The following ARHGAP32 variants were observed in gnomAD, a reference collection of about 807,000 sequenced individuals.
The protein encoded by ARHGAP32 is Rho GTPase activating protein 32.
Under a neutral mutation model 186.5 loss-of-function variants are expected in ARHGAP32, and 51 were observed. The ratio of observed to expected loss-of-function variants is 0.27; its 90% CI spans 0.22 to 0.35. The LOEUF is 0.35. ARHGAP32 is among the 10% of genes least tolerant of loss of function. ARHGAP32 has a pLI of 1.00. For missense variants in ARHGAP32, 2,186 were observed against 2,623.5 expected (o/e 0.83, Z 3.64); for synonymous variants, 950 against 964.3 (o/e 0.99, Z 0.27).
chr11:129,137,156 T>G (rs1942954570), intron 2 of ARHGAP32, among the ~76,000 whole-genome samples: 1 of 150,772 alleles, frequency 6.6e-6, no homozygotes, highest in African/African-American at 2.4e-5. Flanking sequence ...AAAAAAAGCA[T>G]GGTACAAAAA....
At chr11:129,221,112 G>A (rs1030392131) in intron 1 of ARHGAP32, among the ~76,000 whole-genome samples, 1 of 152,032 alleles carries the variant, frequency 6.6e-6, no homozygotes, top group Non-Finnish European at 1.5e-5. Context: ...AAGAAATAAT[G>A]TCTGGAAGCT....
chr11:129,178,499 A>G (rs900490013), intron 1 of ARHGAP32, among the ~76,000 whole-genome samples: 4 of 152,188 alleles, frequency 2.6e-5, no homozygotes, highest in Non-Finnish European at 2.9e-5. Context: ...ATCCTAAGCC[A>G]AAAGAACAAA....
At chr11:129,094,226 A>G (rs1400671641) in intron 5 of ARHGAP32, among the ~76,000 whole-genome samples, 2 of 152,154 alleles carry the variant, frequency 1.3e-5, no homozygotes, top group Non-Finnish European at 2.9e-5. Context: ...CTAAAATAGT[A>G]TAACTAGATT....
At chr11:129,208,869 C>CT (rs1944547206) in intron 1 of ARHGAP32, among the ~76,000 whole-genome samples, 1 of 152,028 alleles carries the variant, frequency 6.6e-6, no homozygotes, top group African/African-American at 2.4e-5. Context: ...AAAATAGAAA[C>CT]TTTAGAGTTC....
At chr11:129,151,027 G>A (rs1943276014) in intron 2 of ARHGAP32, among the ~76,000 whole-genome samples, 1 of 151,860 alleles carries the variant, frequency 6.6e-6, no homozygotes. Flanking sequence ...GTAAAGGGGT[G>A]GGAAAAGATA....
chr11:129,139,095 A>G (rs1942995088), intron 2 of ARHGAP32, among the ~76,000 whole-genome samples: 1 of 152,230 alleles, frequency 6.6e-6, no homozygotes, highest in South Asian at 2.1e-4. Flanking sequence ...ACTGAAAACA[A>G]TGGCACAAAA....
At chr11:129,235,767 C>T (rs1944920667) in intron 1 of ARHGAP32, among the ~76,000 whole-genome samples, 2 of 152,218 alleles carry the variant, frequency 1.3e-5, no homozygotes, top group South Asian at 2.1e-4. Flanking sequence ...TATGCCTTTA[C>T]ATCCTCATAG....
At chr11:129,015,545 T>A (rs1938299256) in intron 11 of ARHGAP32, among the ~76,000 whole-genome samples, 1 of 152,192 alleles carries the variant, frequency 6.6e-6, no homozygotes, top group African/African-American at 2.4e-5. Flanking sequence ...AATCCTATTC[T>A]CCTACAGAGA....
chr11:129,193,562 T>G (rs1384910467), upstream of ARHGAP32, among the ~76,000 whole-genome samples: 125 of 11,970 alleles, frequency 0.01, 5 homozygotes, highest in African/African-American at 0.069. Flanking sequence ...ATATATATAT[T>G]ATATATAATA....
intron 11 of ARHGAP32, among the ~76,000 whole-genome samples, chr11:129,002,871 C>T (rs369612255): frequency 1.5e-5 from 2 of 135,932 alleles, no homozygotes; most frequent in African/African-American, 5.6e-5. Context: ...TGCAGTGGCG[C>T]GATCTCGGCT....
At chr11:129,017,882 T>C (rs1938425822) in intron 11 of ARHGAP32, among the ~76,000 whole-genome samples, 1 of 152,186 alleles carries the variant, frequency 6.6e-6, no homozygotes, top group Non-Finnish European at 1.5e-5. Context: ...ATTGCTAAGA[T>C]ATATAAAAGG....
chr11:129,268,549 T>C (rs1471291136), intron 1 of ARHGAP32, among the ~76,000 whole-genome samples: 1 of 151,430 alleles, frequency 6.6e-6, no homozygotes, highest in Non-Finnish European at 1.5e-5. Context: ...GATATAGCTC[T>C]ATATGCAGAG....
chr11:129,153,722 T>C (rs932891803), intron 2 of ARHGAP32, among the ~76,000 whole-genome samples: 1 of 152,162 alleles, frequency 6.6e-6, no homozygotes, highest in Admixed American at 6.5e-5. Flanking sequence ...TCTCACCATA[T>C]ACAAACATCA....
At chr11:129,101,455 T>C (rs1277943491) in intron 5 of ARHGAP32, among the ~76,000 whole-genome samples, 2 of 152,104 alleles carry the variant, frequency 1.3e-5, no homozygotes, top group South Asian at 2.1e-4. Flanking sequence ...CTAAAAAGCA[T>C]GATAAAACAA....
chr11:129,129,451 G>A (rs1321086826), intron 2 of ARHGAP32, among the ~76,000 whole-genome samples: 1 of 149,724 alleles, frequency 6.7e-6, no homozygotes, highest in East Asian at 2.0e-4. Flanking sequence ...GCCCCGTCTG[G>A]GAGGTGGGGG....
intron 1 of ARHGAP32, among the ~76,000 whole-genome samples, chr11:129,190,360 CTT>C (rs1416439494): frequency 6.6e-6 from 1 of 152,206 alleles, no homozygotes; most frequent in Non-Finnish European, 1.5e-5. Flanking sequence ...GCCCAGACCT[CTT>C]TGTTACATTT....
intron 8 of ARHGAP32, 24 bp downstream of exon 8, chr11:129,064,817 C>A: frequency 6.6e-7 from 1 of 1,524,854 alleles, no homozygotes; most frequent in East Asian, 2.4e-5. Flanking sequence ...ATACATTTTT[C>A]ATGAAAAGTG....
intron 5 of ARHGAP32, among the ~76,000 whole-genome samples, chr11:129,108,949 T>C (rs1350917755): frequency 3.3e-5 from 5 of 152,160 alleles, no homozygotes; most frequent in African/African-American, 7.2e-5. Context: ...TTCGGCTACT[T>C]TGAAATACAC....
intron 1 of ARHGAP32, among the ~76,000 whole-genome samples, chr11:129,197,854 T>C (rs1944411887): frequency 6.6e-6 from 1 of 152,202 alleles, no homozygotes. Flanking sequence ...AACAACTCTT[T>C]CCTTCTTTAT....
Sources: allele counts gnomAD v4.1 joint callset (sites outside exome capture counted in the v4.1 genomes callset), GRCh38; gene constraint gnomAD v4.1.1; transcripts MANE v1.5; gene names NCBI Gene and HGNC (gene_info 2026-07-23, HGNC 2026-07-21).